LYPD6: variants seen among roughly 807,000 people sequenced by gnomAD.
The protein encoded by LYPD6 is LY6/PLAUR domain containing 6, also known as ly6/PLAUR domain-containing protein 6.
Under a neutral mutation model 22.7 loss-of-function variants are expected in LYPD6, and 15 were observed. The ratio of observed to expected loss-of-function variants is 0.66; its 90% CI spans 0.44 to 1.02. The LOEUF (loss-of-function observed/expected upper bound fraction) is 1.02, where lower values mean the gene tolerates loss of function less well. Among genes scored for constraint, LYPD6 ranks in the 50% least tolerant of loss-of-function variants. The pLI, the probability that LYPD6 is intolerant of heterozygous loss-of-function variation, is 0.00. For missense variants in LYPD6, 189 were observed against 208.4 expected (o/e 0.91, Z 0.57); for synonymous variants, 72 against 77.5 (o/e 0.93, Z 0.37).
intron 1 of LYPD6, among the ~76,000 whole-genome samples, chr2:149,359,896 G>A (rs1374190929): frequency 1.3e-5 from 2 of 152,152 alleles, no homozygotes; most frequent in Non-Finnish European, 2.9e-5. Context: ...GTGAAAGTAA[G>A]TTTATTAAGG....
At chr2:149,344,808 C>T (rs1417185788) in intron 1 of LYPD6, among the ~76,000 whole-genome samples, 1 of 152,076 alleles carries the variant, frequency 6.6e-6, no homozygotes. Context: ...TGAATTAGAC[C>T]TCCTCCTACA....
At chr2:149,419,639 CTG>C (rs1683035913) in intron 1 of LYPD6, among the ~76,000 whole-genome samples, 1 of 152,174 alleles carries the variant, frequency 6.6e-6, no homozygotes, top group Non-Finnish European at 1.5e-5. Flanking sequence ...TAGAGAATCA[CTG>C]TAGCATTTAT....
At chr2:149,407,526 G>A (rs1382634331) in intron 1 of LYPD6, among the ~76,000 whole-genome samples, 3 of 151,966 alleles carry the variant, frequency 2.0e-5, no homozygotes, top group East Asian at 1.9e-4. Context: ...TGATCGCGTC[G>A]GCTCCTGAAG....
chr2:149,334,986 CACTT>C (rs57833067), intron 1 of LYPD6, among the ~76,000 whole-genome samples: 268 of 152,242 alleles, frequency 1.8e-3, no homozygotes, highest in African/African-American at 5.2e-3. Context: ...TGTGTAAACA[CACTT>C]ACTGTGTTAC....
chr2:149,392,455 G>T (rs1682332970), intron 1 of LYPD6, among the ~76,000 whole-genome samples: 1 of 152,160 alleles, frequency 6.6e-6, no homozygotes, highest in Non-Finnish European at 1.5e-5. Context: ...CAAGTAAGAG[G>T]AAAGTGGGAC....
intron 1 of LYPD6, among the ~76,000 whole-genome samples, chr2:149,340,493 G>T (rs1357333674): frequency 6.6e-6 from 1 of 152,114 alleles, no homozygotes; most frequent in Non-Finnish European, 1.5e-5. Context: ...AAGGTTGGAG[G>T]TCTGGGCTCT....
intron 1 of LYPD6, among the ~76,000 whole-genome samples, chr2:149,420,784 G>C (rs145584625): frequency 1.3e-5 from 2 of 152,154 alleles, no homozygotes; most frequent in African/African-American, 4.8e-5. Context: ...GTGATTATGC[G>C]GGACTGCTAA....
chr2:149,440,510 G>T (rs540517258), intron 2 of LYPD6: 3 of 152,280 alleles, frequency 2.0e-5, no homozygotes, highest in African/African-American at 7.2e-5. Context: ...TTGAGATATG[G>T]AGAAGGATGG....
At chr2:149,374,617 T>C (rs1331349929) in intron 1 of LYPD6, among the ~76,000 whole-genome samples, 2 of 152,200 alleles carry the variant, frequency 1.3e-5, no homozygotes, top group African/African-American at 4.8e-5. Context: ...AGAGAAATGA[T>C]CTATATTAAT....
intron 2 of LYPD6, among the ~76,000 whole-genome samples, chr2:149,442,340 C>T (rs191777182): frequency 1.3e-5 from 2 of 152,186 alleles, no homozygotes; most frequent in Non-Finnish European, 2.9e-5. Flanking sequence ...TTTCTGATAC[C>T]GTACAAATAA....
chr2:149,407,139 G>A (rs1311902764), intron 1 of LYPD6, among the ~76,000 whole-genome samples: 2 of 152,168 alleles, frequency 1.3e-5, no homozygotes, highest in Non-Finnish European at 2.9e-5. Context: ...TGGTTAACCC[G>A]ACCGTTCTCT....
intron 1 of LYPD6, among the ~76,000 whole-genome samples, chr2:149,407,553 G>C (rs1219928038): frequency 3.3e-5 from 5 of 152,072 alleles, no homozygotes; most frequent in Non-Finnish European, 5.9e-5. Context: ...CATTCTTTGC[G>C]TAGTTCTGGA....
At chr2:149,455,112 T>C (rs1680925842) in intron 3 of LYPD6, among the ~76,000 whole-genome samples, 1 of 152,184 alleles carries the variant, frequency 6.6e-6, no homozygotes, top group African/African-American at 2.4e-5. Context: ...AAATCCAGTC[T>C]ACAATGGCAG....
At position 149,468,664 on chromosome 2, in the gene LYPD6, T is replaced by C. The variant is rs749139105; in HGVS notation, c.237T>C (p.Thr79=). 34 of 1,613,428 alleles carry C rather than the reference T, an allele frequency of 2.1e-5. No homozygotes were observed. In the Admixed American group the frequency reaches 4.7e-4, roughly 22 times the overall value. ...TGACAGAGACCAGATACTGCTACAC[T>C]CAGCACACAATGGAAGTCACAGGAA... is the stretch of plus-strand genomic sequence containing the variant. ...YCPRETRYCY[T]QHTMEVTGNS... The change falls in exon 4 of 5, where the codon ACT becomes ACC. Residue 79 remains threonine (T), a synonymous_variant. Coordinates refer to ENST00000334166, the MANE Select transcript of LYPD6 (RefSeq NM_194317.5).
intron 1 of LYPD6, chr2:149,370,377 G>T (rs566645914): frequency 6.6e-6 from 1 of 152,088 alleles, no homozygotes; most frequent in Admixed American, 6.6e-5. Context: ...AATTTCCAGT[G>T]TGATAGTATT....
At chr2:149,485,769 T>C in the LYPD6 span, among the ~76,000 whole-genome samples, 5 of 152,150 alleles carry the variant, frequency 3.3e-5, no homozygotes, top group African/African-American at 1.2e-4. Context: ...AATGGCCCTG[T>C]CAGAAAGGTG....
intron 1 of LYPD6, among the ~76,000 whole-genome samples, chr2:149,426,454 G>A (rs375574914): frequency 3.9e-5 from 6 of 152,154 alleles, no homozygotes; most frequent in East Asian, 3.9e-4. Flanking sequence ...TATTCTTCAC[G>A]TTCTCTAACC....
intron 1 of LYPD6, among the ~76,000 whole-genome samples, chr2:149,337,124 C>T (rs868399827): frequency 4.0e-4 from 61 of 152,234 alleles, no homozygotes; most frequent in African/African-American, 1.3e-3. Context: ...AGACTGTAAG[C>T]GCTATGAGGA....
At chr2:149,346,196 A>C (rs1681252738) in intron 1 of LYPD6, among the ~76,000 whole-genome samples, 1 of 152,232 alleles carries the variant, frequency 6.6e-6, no homozygotes, top group Non-Finnish European at 1.5e-5. Context: ...ACAGTTAAAA[A>C]ATATTTTTTT....
Sources: gnomAD v4.1 joint callset for allele counts (sites outside exome capture counted in the v4.1 genomes callset) on GRCh38, gnomAD v4.1.1 for gene constraint, MANE v1.5 for transcripts, NCBI Gene and HGNC (gene_info 2026-07-23, HGNC 2026-07-21) for gene names.